Variants in PTPRD observed in about 807,000 individuals in gnomAD.
PTPRD encodes the protein receptor-type tyrosine-protein phosphatase delta.
In PTPRD, 34 loss-of-function variants were observed where a neutral mutation model predicts 214.5. The ratio of observed to expected loss-of-function variants is 0.16; its 90% CI spans 0.12 to 0.21. The LOEUF is 0.21. PTPRD is among the 10% of genes least tolerant of loss of function. The pLI is 1.00. For synonymous variants in PTPRD, 1,128 were observed against 845.7 expected (o/e 1.33, Z -5.79); for missense variants, 2,545 against 2,398.7 (o/e 1.06, Z -1.27).
intron 4 of PTPRD, among the ~76,000 whole-genome samples, chr9:10,007,569 C>T (rs1272776395): frequency 1.3e-5 from 2 of 151,928 alleles, no homozygotes; most frequent in Non-Finnish European, 2.9e-5. Flanking sequence ...TATGATCTCA[C>T]GAATGCCTTC....
At position 9,897,644 on chromosome 9, in the gene PTPRD, T is replaced by C. The variant is rs998183407; in HGVS notation, c.-368+40863A>G. On this transcript the variant is annotated intron_variant, in intron 5 of 45. Coordinates refer to ENST00000381196, the MANE Select transcript of PTPRD (RefSeq NM_002839.4). ...ATACAGTATTACAAACTATGTAATA[T>C]GGACAATTTAAATTATAGCTGTTGA... Among the ~76,000 whole-genome samples the C allele has an allele frequency of 5.9e-5, 9 of 152,070 alleles. No individual in the cohort carries two copies. In the East Asian group the frequency reaches 1.5e-3, roughly 26 times the overall value.
intron 2 of PTPRD, among the ~76,000 whole-genome samples, chr9:10,361,025 A>T (rs143353008): frequency 1.3e-5 from 2 of 152,106 alleles, no homozygotes; most frequent in Admixed American, 6.5e-5. Context: ...TGGCGTGAAC[A>T]CGGGAGGCGG....
At chr9:8,789,886 G>A (rs889767704) in intron 11 of PTPRD, among the ~76,000 whole-genome samples, 1 of 152,156 alleles carries the variant, frequency 6.6e-6, no homozygotes, top group Non-Finnish European at 1.5e-5. Flanking sequence ...TGAATCTGGA[G>A]GGTAGAAAGC....
chr9:9,252,617 G>C (rs564629204), intron 9 of PTPRD, among the ~76,000 whole-genome samples: 1 of 152,142 alleles, frequency 6.6e-6, no homozygotes, highest in African/African-American at 2.4e-5. Context: ...AAGTAGCTAG[G>C]ACTGCAGGTG....
chr9:10,441,262 G>A (rs78619427), intron 2 of PTPRD, among the ~76,000 whole-genome samples: 5,028 of 151,640 alleles, frequency 0.033, 173 homozygotes, highest in South Asian at 0.11. Flanking sequence ...TGGAGCATAC[G>A]GTGAAAGGCC....
chr9:10,033,091 G>C (rs2097112476), intron 4 of PTPRD, among the ~76,000 whole-genome samples: 1 of 151,052 alleles, frequency 6.6e-6, no homozygotes, highest in Non-Finnish European at 1.5e-5. Flanking sequence ...AAGTGTGTGT[G>C]TGTATGAGTG....
intron 2 of PTPRD, among the ~76,000 whole-genome samples, chr9:10,380,042 C>G (rs369999453): frequency 1.4e-4 from 21 of 152,164 alleles, no homozygotes; most frequent in African/African-American, 4.8e-4. Flanking sequence ...TCACAGCAAG[C>G]TGGAAATGCT....
chr9:10,422,480 C>T (rs1440174059), intron 2 of PTPRD, among the ~76,000 whole-genome samples: 2 of 151,934 alleles, frequency 1.3e-5, no homozygotes, highest in Non-Finnish European at 2.9e-5. Flanking sequence ...AAACTAAGAG[C>T]TTCTACACAG....
At chr9:10,189,388 C>T (rs776718406) in intron 3 of PTPRD, among the ~76,000 whole-genome samples, 4 of 152,112 alleles carry the variant, frequency 2.6e-5, no homozygotes, top group African/African-American at 4.8e-5. Flanking sequence ...ATTCCTTACA[C>T]GGGGCTATCA....
chr9:9,651,898 G>A (rs1167628343), intron 7 of PTPRD, among the ~76,000 whole-genome samples: 5 of 139,334 alleles, frequency 3.6e-5, no homozygotes, highest in Non-Finnish European at 7.6e-5. Context: ...GCAGTGGAGC[G>A]ATCTTGGCTC....
chr9:10,139,001 C>T (rs1235224527), intron 3 of PTPRD, among the ~76,000 whole-genome samples: 1 of 152,018 alleles, frequency 6.6e-6, no homozygotes, highest in Non-Finnish European at 1.5e-5. Flanking sequence ...TGCCCACTCT[C>T]ACCGCTGCTA....
intron 3 of PTPRD, among the ~76,000 whole-genome samples, chr9:10,034,456 A>G (rs975030401): frequency 7.3e-6 from 1 of 136,062 alleles, no homozygotes; most frequent in African/African-American, 2.7e-5. Flanking sequence ...TCAGGGGTAC[A>G]TGTGCAGTTT....
chr9:10,605,460 T>C (rs896124360), intron 2 of PTPRD, among the ~76,000 whole-genome samples: 2 of 151,828 alleles, frequency 1.3e-5, no homozygotes, highest in Non-Finnish European at 2.9e-5. Context: ...TCTAGAACTT[T>C]GGAGAGTTGA....
At chr9:10,160,386 C>T (rs2099120274) in intron 3 of PTPRD, among the ~76,000 whole-genome samples, 1 of 152,022 alleles carries the variant, frequency 6.6e-6, no homozygotes, top group Non-Finnish European at 1.5e-5. Context: ...AGCCCAGAAT[C>T]TGTTGGCTTC....
At chr9:8,935,969 A>C (rs1038700357) in intron 11 of PTPRD, 1 of 152,156 alleles carries the variant, frequency 6.6e-6, no homozygotes, top group African/African-American at 2.4e-5. Context: ...GTTTTAATAT[A>C]GCTTTGGTGG....
intron 8 of PTPRD, among the ~76,000 whole-genome samples, chr9:9,458,609 A>G (rs1375297927): frequency 6.6e-6 from 1 of 152,128 alleles, no homozygotes; most frequent in African/African-American, 2.4e-5. Flanking sequence ...TGTTTCCCCA[A>G]GATGGCTAAC....
chr9:10,393,553 AG>A (rs2098112466), intron 2 of PTPRD, among the ~76,000 whole-genome samples: 1 of 151,220 alleles, frequency 6.6e-6, no homozygotes, highest in African/African-American at 2.4e-5. Flanking sequence ...CACTTTGGGA[AG>A]CCAAGGAGGG....
chr9:9,528,702 T>C (rs1470120008), intron 8 of PTPRD, among the ~76,000 whole-genome samples: 1 of 151,468 alleles, frequency 6.6e-6, no homozygotes, highest in Non-Finnish European at 1.5e-5. Context: ...AGAGAAAATA[T>C]TGAGGTAGAT....
chr9:10,176,701 A>G (rs1246041204), intron 3 of PTPRD, among the ~76,000 whole-genome samples: 1 of 152,004 alleles, frequency 6.6e-6, no homozygotes, highest in Non-Finnish European at 1.5e-5. Flanking sequence ...GAGATCCTCA[A>G]CCATGTTTAT....
Sources: gnomAD v4.1 joint callset for allele counts (sites outside exome capture counted in the v4.1 genomes callset) on GRCh38, gnomAD v4.1.1 for gene constraint, MANE v1.5 for transcripts, NCBI Gene and HGNC (gene_info 2026-07-23, HGNC 2026-07-21) for gene names.